PYGM: variants seen among roughly 807,000 people sequenced by gnomAD.
PYGM encodes glycogen phosphorylase, muscle form.
PYGM carries 81 observed loss-of-function variants against 99.3 expected under a neutral mutation model. That is an observed-to-expected ratio of 0.82 (90% CI 0.68 to 0.98). The LOEUF (loss-of-function observed/expected upper bound fraction) is 0.98, where lower values mean the gene tolerates loss of function less well. Ranked by LOEUF, PYGM falls within the 50% of genes least tolerant of loss-of-function variation. The pLI is 0.00. For missense variants in PYGM, 1,030 were observed against 1,158.1 expected (o/e 0.89, Z 1.61); for synonymous variants, 436 against 451.5 (o/e 0.97, Z 0.44).
chr11:64,746,631 G>A lies in PYGM; in HGVS notation c.*28C>T, dbSNP rs778217746. On this transcript the variant is annotated 3_prime_UTR_variant, in exon 20 of 20. Transcript: ENST00000164139. Reference sequence around the variant, plus strand: ...GCCCAAGAGAGTGTGACAGACTCAAGGGCTGGTTTGGGGTCTGGTCTGGAG... The same window carrying A: ...GCCCAAGAGAGTGTGACAGACTCAAAGGCTGGTTTGGGGTCTGGTCTGGAG... The A allele has an allele frequency of 5.0e-6, 8 of 1,613,678 alleles. No homozygotes were observed. The highest frequency in any genetic ancestry group is 6.8e-6 in the Non-Finnish European group (8 of 1,179,950).
chr11:64,753,562 TGACGGCGTGC>T lies in PYGM; in HGVS notation c.1350_1359del (p.His451ThrfsTer85). The T allele has an allele frequency of 6.2e-7, 1 of 1,602,358 alleles. No homozygotes were observed. Among genetic ancestry groups the T allele is most frequent in the East Asian group, 2.2e-5 (1 of 44,556 alleles). On this transcript the variant is annotated frameshift_variant, in exon 11 of 20. Transcript: ENST00000164139. LOFTEE classifies it high-confidence loss of function. ...TCGGAGTGGATGCGCGCCACGCCGT[TGACGGCGTGC>T]GACCCCGCGATGCACAGGTGTGCCA...
chr11:64,751,570 GC>G (rs746106761), intron 15 of PYGM, 26 bp downstream of exon 15: 18 of 1,613,920 alleles, frequency 1.1e-5, no homozygotes, highest in Non-Finnish European at 1.4e-5. Flanking sequence ...AAGGACGGGA[GC>G]CCAGGGCTGG....
rs1320036556 is a variant in PYGM, at chr11:64,758,496, T to C, written c.365A>G (p.Glu122Gly). Residue 122 changes from glutamate (E) to glycine (G), a missense_variant, in exon 3 of 20, where the codon GAG becomes GGG. Transcript: ENST00000164139. ...ATYQLGLDMEELEEIEEDAGL... is the reference protein window; with the variant it reads ...ATYQLGLDMEGLEEIEEDAGL... Reference sequence around the variant, plus strand: ...CGCATCCTCCTCAATTTCCTCCAGCTCCTCCATGTCCAGGCCCAGCTGGAG... The same window carrying C: ...CGCATCCTCCTCAATTTCCTCCAGCCCCTCCATGTCCAGGCCCAGCTGGAG... The C allele has an allele frequency of 2.5e-6, 4 of 1,613,796 alleles. No homozygotes were observed. Among genetic ancestry groups the C allele is most frequent in the African/African-American group, 1.3e-5 (1 of 74,818 alleles).
At position 64,758,471 on chromosome 11, in the gene PYGM, C is replaced by A. The variant is rs771873586; in HGVS notation, c.390G>T (p.Ala130=). 2 of 1,613,934 alleles carry A rather than the reference C, an allele frequency of 1.2e-6. No individual in the cohort carries two copies. Among genetic ancestry groups the A allele is most frequent in the Non-Finnish European group, 1.7e-6 (2 of 1,180,014 alleles). ...GGCCCAGGCCCCCGTTGCCCAGCCC[C>A]GCATCCTCCTCAATTTCCTCCAGCT... is the stretch of plus-strand genomic sequence containing the variant. ...MEELEEIEED[A]GLGNGGLGRL... The change falls in exon 3 of 20, where the codon GCG becomes GCT. Residue 130 remains alanine, a synonymous_variant. Transcript: ENST00000164139.
chr11:64,751,858 A>G (rs2058358619), intron 14 of PYGM, 66 bp downstream of exon 14: 2 of 1,601,772 alleles, frequency 1.2e-6, no homozygotes, highest in Non-Finnish European at 1.7e-6. Context: ...TTGGTTGGGC[A>G]ATATGTACTA....
At position 64,751,654 on chromosome 11, in the gene PYGM, G is replaced by C. The variant is rs778988973; in HGVS notation, c.1770C>G (p.Arg590=). ...AAAACTTATTGGGCTCCCTCTTGAT[G>C]CCTGTGGAGAAACGAGAGGGATCCA... ...NCLHVITLYN[R]IKREPNKFFV... Residue 590 remains arginine (R), a splice_region_variant and synonymous_variant, in exon 15 of 20, where the codon CGC becomes CGG. Transcript: ENST00000164139. The C allele has an allele frequency of 1.9e-6, 3 of 1,613,976 alleles. No homozygotes were observed. The South Asian group carries it at 3.3e-5, about 18-fold the overall frequency.
At position 64,753,510 on chromosome 11, in the gene PYGM, G is replaced by C; in HGVS notation, c.1403+9C>G. 6.3e-7 allele frequency: 1 copy of C among 1,580,868 alleles called. No individual in the cohort carries two copies. The highest frequency in any genetic ancestry group is 8.6e-7 in the Non-Finnish European group (1 of 1,168,214). The stretch of plus-strand genomic sequence containing the variant: ...TAGAGAGGGGCGGGATCTGGAAAGC[G>C]GGGCTCACATGGTCTTCTTGAGGAT... On this transcript the variant is annotated intron_variant, in intron 11 of 19. Coordinates refer to ENST00000164139, the MANE Select transcript of PYGM (RefSeq NM_005609.4).
chr11:64,747,336 C>T lies in PYGM; in HGVS notation c.2200G>A (p.Asp734Asn), dbSNP rs1019588921. The T allele has an allele frequency of 3.1e-6, 5 of 1,614,088 alleles. No individual in the cohort carries two copies. Among genetic ancestry groups the T allele is most frequent in the South Asian group, 2.2e-5 (2 of 91,088 alleles). ...ACCTGCCGAAGCTCAGGAATGCGATCGTAGTACTCCTGGGCATTGTACCTG... is the reference window on the plus strand; with the variant it reads ...ACCTGCCGAAGCTCAGGAATGCGATTGTAGTACTCCTGGGCATTGTACCTG... ...QRGYNAQEYYDRIPELRQVIE... is the reference protein window; with the variant it reads ...QRGYNAQEYYNRIPELRQVIE... Residue 734 changes from aspartate to asparagine, a missense_variant, in exon 18 of 20, where the codon GAT becomes AAT. Physicochemically the swap from Asp to Asn is conservative, Grantham distance 23. Transcript: ENST00000164139.
intron 12 of PYGM, 56 bp downstream of exon 12, chr11:64,753,017 A>T (rs1565534811): frequency 6.9e-6 from 10 of 1,458,972 alleles, no homozygotes; most frequent in Non-Finnish European, 9.6e-6. Flanking sequence ...GACCATACCC[A>T]GCTGATCCCT....
chr11:64,750,727 C>T (rs1311357992), intron 16 of PYGM, 144 bp from the exon 17 acceptor site: 3 of 732,898 alleles, frequency 4.1e-6, no homozygotes, highest in Non-Finnish European at 4.6e-6. Flanking sequence ...CCAAGCCTCC[C>T]TCTCACACCG....
At chr11:64,750,883 CTTTGT>C (rs976780532) in intron 16 of PYGM, among the ~76,000 whole-genome samples, 15 of 152,096 alleles carry the variant, frequency 9.9e-5, no homozygotes, top group African/African-American at 3.6e-4. Flanking sequence ...GGGGTTTTTG[CTTTGT>C]TTTGTTTCCT....
Position 64,753,581 on chromosome 11 carries a change from G to A in PYGM, c.1341C>T (p.Ile447=), listed in dbSNP as rs1483894861. 2 of 1,606,512 alleles carry A rather than the reference G, an allele frequency of 1.2e-6. No homozygotes were observed. The highest frequency in any genetic ancestry group is 1.7e-6 in the Non-Finnish European group (2 of 1,178,522). Residue 447 remains isoleucine (I), a synonymous_variant, in exon 11 of 20, where the codon ATC becomes ATT. Coordinates refer to ENST00000164139, the MANE Select transcript of PYGM (RefSeq NM_005609.4). ...VKRINMAHLC[I]AGSHAVNGVA... The stretch of plus-strand genomic sequence containing the variant: ...CGCCGTTGACGGCGTGCGACCCCGC[G>A]ATGCACAGGTGTGCCATGTTGATGC...
intron 18 of PYGM, 38 bp from the exon 19 acceptor site, chr11:64,747,025 G>A (rs748264405): frequency 1.7e-5 from 28 of 1,607,912 alleles, no homozygotes; most frequent in South Asian, 1.4e-4. Context: ...ATTCCTTTAG[G>A]GGGCTAGGAT....
upstream of PYGM, chr11:64,760,144 C>T (rs1334920629): frequency 1.7e-6 from 1 of 576,200 alleles, no homozygotes; most frequent in Non-Finnish European, 3.0e-6. Flanking sequence ...CAAGACTGGC[C>T]TGGCTTGTTC....
In PYGM at chr11:64,754,767, T is replaced by A. The variant is rs2058383151; in HGVS notation, c.925A>T (p.Ile309Phe). 1 of 1,613,784 alleles carries A rather than the reference T, an allele frequency of 6.2e-7. No homozygotes were observed. The highest frequency in any genetic ancestry group is 8.5e-7 in the Non-Finnish European group (1 of 1,179,990). ...AACTTGGAAGACTTGAAGCGACGGA[T>A]GATGTCCTGGAGGGTGGCAGCCACC... is the stretch of plus-strand genomic sequence containing the variant. ...FVVAATLQDI[I>F]RRFKSSKFGC... The change falls in exon 8 of 20, where the codon ATC becomes TTC. Residue 309 changes from isoleucine to phenylalanine, a missense_variant. By Grantham distance (21) the Ile-to-Phe change is conservative (BLOSUM62 0). Coordinates refer to ENST00000164139, the MANE Select transcript of PYGM (RefSeq NM_005609.4). The surrounding 1 kb of genome is among the most constrained non-coding windows in gnomAD (Gnocchi z 5.5).
chr11:64,755,140 G>A lies in PYGM; in HGVS notation c.855+133C>T, dbSNP rs1398332699. On this transcript the variant is annotated intron_variant, in intron 7 of 19. Transcript: ENST00000164139. This position sits in a 1 kb window ranked among gnomAD's most constrained non-coding sequence, Gnocchi z 4.1. ...TTGCACTCAAAAGACTTGAGGTGGG[G>A]GCACAGGATGCACAAGGCCAGCAAT... 9.0e-7 allele frequency: 1 copy of A among 1,114,190 alleles called. No individual in the cohort carries two copies. Among genetic ancestry groups the A allele is most frequent in the Non-Finnish European group, 1.3e-6 (1 of 749,458 alleles). The allele number at this position is 1,114,190 out of a possible 1,614,324, so 69.0% of individuals were successfully genotyped here. A position where few individuals can be genotyped will look rare whatever the true frequency, so the allele number is the denominator to read the frequency against.
At chr11:64,760,027 C>T (rs529526456), upstream of PYGM, 35 of 1,394,876 alleles carry the variant, frequency 2.5e-5, no homozygotes, top group South Asian at 1.8e-4. Flanking sequence ...CAGCACGCCC[C>T]GCCTCCCCTG....
At position 64,759,917 on chromosome 11, in the gene PYGM, C is replaced by A. The variant is rs938307218; in HGVS notation, c.-19G>T. 20 of 1,613,262 alleles carry A rather than the reference C, an allele frequency of 1.2e-5. No homozygotes were observed. The highest frequency in any genetic ancestry group is 1.7e-5 in the Non-Finnish European group (20 of 1,179,778). On this transcript the variant is annotated 5_prime_UTR_variant, in exon 1 of 20. Transcript: ENST00000164139. ...GGGACATGGCTGCAGGAGGGCGGGCCGGACTGGACTGATGGTAGAGGGGAC... is the reference window on the plus strand; with the variant it reads ...GGGACATGGCTGCAGGAGGGCGGGCAGGACTGGACTGATGGTAGAGGGGAC...
At chr11:64,747,571 G>A (rs544679672) in intron 17 of PYGM, 18 of 603,894 alleles carry the variant, frequency 3.0e-5, no homozygotes, top group Middle Eastern at 4.5e-4. Flanking sequence ...ACTGAGGCCC[G>A]GAGGATACAG....
Sources: gnomAD v4.1 joint callset for allele counts (sites outside exome capture counted in the v4.1 genomes callset) on GRCh38, gnomAD v4.1.1 for gene constraint, Gnocchi (gnomAD v3.1) non-coding constraint, MANE v1.5 for transcripts, NCBI Gene and HGNC (gene_info 2026-07-23, HGNC 2026-07-21) for gene names.